CSMD1: variants seen among roughly 807,000 people sequenced by gnomAD.
CSMD1 encodes the protein CUB and sushi domain-containing protein 1.
A neutral mutation model predicts 417.5 loss-of-function variants in CSMD1; 213 were observed. That is an observed-to-expected ratio of 0.51 (90% CI 0.46 to 0.57). The LOEUF is 0.57. Among genes scored for constraint, CSMD1 ranks in the 20% least tolerant of loss-of-function variants. The pLI is 0.00. For synonymous variants in CSMD1, 2,862 were observed against 1,736.8 expected (o/e 1.65, Z -16.11); for missense variants, 6,923 against 4,529.7 (o/e 1.53, Z -15.17).
chr8:4,620,622 C>G (rs147575613), intron 2 of CSMD1, among the ~76,000 whole-genome samples: 315 of 151,720 alleles, frequency 2.1e-3, no homozygotes, highest in African/African-American at 6.5e-3. Context: ...TTGAAAAGCC[C>G]AAATATATGA....
chr8:3,876,448 T>C (rs1805828110), intron 5 of CSMD1, among the ~76,000 whole-genome samples: 1 of 152,218 alleles, frequency 6.6e-6, no homozygotes, highest in Admixed American at 6.5e-5. Flanking sequence ...CTCCTTTTAT[T>C]CCTGTCTCTT....
intron 2 of CSMD1, among the ~76,000 whole-genome samples, chr8:4,425,989 G>A (rs1052936849): frequency 4.0e-5 from 6 of 151,862 alleles, no homozygotes; most frequent in South Asian, 2.1e-4. Context: ...CAAAATTAAA[G>A]AGGTATACAT....
At chr8:3,387,182 T>C (rs1003004052) in intron 18 of CSMD1, among the ~76,000 whole-genome samples, 1 of 152,182 alleles carries the variant, frequency 6.6e-6, no homozygotes, top group African/African-American at 2.4e-5. Context: ...AGGATATGTG[T>C]GGCGACTATA....
In CSMD1 at chr8:4,948,511, A is replaced by T. The variant is rs765498410; in HGVS notation, c.85+45821T>A. ...TAGATTGCATAATGACCTTCATTAA[A>T]GTTTCATAATCTTGTGAATACTGGT... On this transcript the variant is annotated intron_variant, in intron 1 of 69. Transcript: ENST00000635120. Among the ~76,000 whole-genome samples the T allele has an allele frequency of 3.9e-4, 59 of 152,016 alleles. 1 individual carries two copies. The highest frequency in any genetic ancestry group is 2.0e-4 in the Admixed American group (3 of 15,258).
chr8:4,190,298 A>T (rs1798944161), intron 3 of CSMD1, among the ~76,000 whole-genome samples: 1 of 149,252 alleles, frequency 6.7e-6, no homozygotes, highest in African/African-American at 2.5e-5. Flanking sequence ...GGTCTGGTCT[A>T]GTTTTACTTA....
intron 2 of CSMD1, among the ~76,000 whole-genome samples, chr8:4,553,718 C>T (rs1444744704): frequency 6.6e-6 from 1 of 152,118 alleles, no homozygotes; most frequent in East Asian, 1.9e-4. Flanking sequence ...TTAATTGTGC[C>T]TCATGGCAAT....
chr8:4,789,436 C>A (rs1193850934), intron 1 of CSMD1, among the ~76,000 whole-genome samples: 1 of 152,046 alleles, frequency 6.6e-6, no homozygotes, highest in African/African-American at 2.4e-5. Flanking sequence ...TACTGTGTAT[C>A]CCCAGAGTTT....
At position 4,441,565 on chromosome 8, in the gene CSMD1, C is replaced by T. The variant is rs73660810; in HGVS notation, c.303-21500G>A. Reference sequence around the variant, plus strand: ...AACATAGAAGCACATGAAAGCCTATCTCATCTATGCAAACATTTTATGTTC... The same window carrying T: ...AACATAGAAGCACATGAAAGCCTATTTCATCTATGCAAACATTTTATGTTC... On this transcript the variant is annotated intron_variant, in intron 2 of 69. Transcript: ENST00000635120. 5.2e-3 allele frequency among the ~76,000 whole-genome samples: 785 copies of T among 152,232 alleles called. 7 individuals carry two copies. The highest frequency in any genetic ancestry group is 0.018 in the African/African-American group (742 of 41,534).
intron 3 of CSMD1, among the ~76,000 whole-genome samples, chr8:4,259,075 G>A (rs1803687053): frequency 6.6e-6 from 1 of 152,248 alleles, no homozygotes; most frequent in African/African-American, 2.4e-5. Flanking sequence ...TTTGAACGCT[G>A]ATGATTTTGA....
At chr8:3,683,866 C>A (rs368517170) in intron 7 of CSMD1, among the ~76,000 whole-genome samples, 242 of 151,986 alleles carry the variant, frequency 1.6e-3, no homozygotes, top group East Asian at 9.7e-3. Flanking sequence ...ATGTTAAGCT[C>A]GCAGTTTGCT....
intron 7 of CSMD1, among the ~76,000 whole-genome samples, chr8:3,658,661 T>C (rs982552199): frequency 1.2e-4 from 18 of 151,910 alleles, no homozygotes; most frequent in Admixed American, 3.3e-4. Flanking sequence ...TGCGTGCCTG[T>C]AATCCCAGCT....
intron 3 of CSMD1, among the ~76,000 whole-genome samples, chr8:4,085,248 G>C (rs866211097): frequency 2.6e-5 from 4 of 152,134 alleles, no homozygotes; most frequent in Non-Finnish European, 5.9e-5. Flanking sequence ...GACCCTGACA[G>C]AGCTTCTTCC....
At chr8:4,857,340 C>T (rs1388520706) in intron 1 of CSMD1, among the ~76,000 whole-genome samples, 2 of 151,140 alleles carry the variant, frequency 1.3e-5, no homozygotes, top group Non-Finnish European at 2.9e-5. Flanking sequence ...GACACCCTAA[C>T]ATCACAATTA....
intron 3 of CSMD1, among the ~76,000 whole-genome samples, chr8:4,417,987 G>C (rs1157140333): frequency 6.6e-6 from 1 of 151,790 alleles, no homozygotes; most frequent in African/African-American, 2.4e-5. Context: ...TTCCACTTAA[G>C]ACTATAATTG....
At position 3,412,117 on chromosome 8, in the gene CSMD1, T is replaced by TAC. The variant is rs1278073993; in HGVS notation, c.1562-2514_1562-2513dup. 7.9e-5 allele frequency among the ~76,000 whole-genome samples: 9 copies of TAC among 114,236 alleles called. 1 individual carries two copies. Among genetic ancestry groups the TAC allele is most frequent in the Non-Finnish European group, 1.3e-4 (7 of 54,504 alleles). The allele number at this position is 114,236 out of a possible 152,430, so 74.9% of individuals were successfully genotyped here. Reference sequence around the variant, plus strand: ...ACGTATATATACATATATACATATATACACACGTATATATACATATATACA... The same window carrying TAC: ...ACGTATATATACATATATACATATATACACACACGTATATATACATATATACA... On this transcript the variant is annotated intron_variant, in intron 12 of 69. Coordinates refer to ENST00000635120, the MANE Select transcript of CSMD1 (RefSeq NM_033225.6).
rs60673988 is a variant in CSMD1, at chr8:3,576,268, A to AAATAATAATAAT, written c.1223-1214_1223-1203dup. On this transcript the variant is annotated intron_variant, in intron 9 of 69. Transcript: ENST00000635120. ...ACATTTCTCTCTTCCATGCATGTCA[A>AAATAATAATAAT]AATAATAATAATAATAATAATAATA... Among the ~76,000 whole-genome samples the AAATAATAATAAT allele has an allele frequency of 4.3e-3, 636 of 147,690 alleles. 7 individuals are homozygous for AAATAATAATAAT. The highest frequency in any genetic ancestry group is 0.015 in the African/African-American group (599 of 39,998).
chr8:3,205,273 A>T (rs1797190384), intron 31 of CSMD1, among the ~76,000 whole-genome samples: 1 of 152,212 alleles, frequency 6.6e-6, no homozygotes, highest in South Asian at 2.1e-4. Context: ...CTCTCTGATT[A>T]TTTCGGATCA....
At chr8:3,876,481 G>C (rs998741230) in intron 5 of CSMD1, among the ~76,000 whole-genome samples, 1 of 152,154 alleles carries the variant, frequency 6.6e-6, no homozygotes, top group Non-Finnish European at 1.5e-5. Context: ...TAACAGAATT[G>C]ATAAAATATG....
intron 3 of CSMD1, among the ~76,000 whole-genome samples, chr8:4,122,198 G>C (rs1053561902): frequency 2.0e-5 from 3 of 152,164 alleles, no homozygotes; most frequent in African/African-American, 4.8e-5. Context: ...CCAACACCGT[G>C]TTAATGATAG....
Sources: allele counts gnomAD v4.1 joint callset (sites outside exome capture counted in the v4.1 genomes callset), GRCh38; gene constraint gnomAD v4.1.1; transcripts MANE v1.5; gene names NCBI Gene and HGNC (gene_info 2026-07-23, HGNC 2026-07-21).